The following TAF6L variants were observed in gnomAD, a reference collection of about 807,000 sequenced individuals.
TAF6L encodes TATA-box binding protein associated factor 6 like.
A neutral mutation model predicts 57.3 loss-of-function variants in TAF6L; 34 were observed. The ratio of observed to expected loss-of-function variants is 0.59; its 90% CI spans 0.45 to 0.79. The LOEUF (loss-of-function observed/expected upper bound fraction) is 0.79, where lower values mean the gene tolerates loss of function less well. Ranked by LOEUF, TAF6L falls within the 30% of genes least tolerant of loss-of-function variation. The pLI is 0.00. For missense variants in TAF6L, 782 were observed against 853.2 expected (o/e 0.92, Z 1.04); for synonymous variants, 417 against 376.3 (o/e 1.11, Z -1.25).
intron 3 of TAF6L, 76 bp downstream of exon 3, chr11:62,776,546 G>T: frequency 6.8e-7 from 1 of 1,474,908 alleles, no homozygotes; most frequent in Non-Finnish European, 9.4e-7. Flanking sequence ...CTGGCGATGT[G>T]GTGAGACATT....
Position 62,786,273 on chromosome 11 carries a change from T to G in TAF6L, c.974T>G (p.Val325Gly). 1 of 1,613,586 alleles carries G rather than the reference T, an allele frequency of 6.2e-7. No homozygotes were observed. Reference sequence around the variant, plus strand: ...TCTTCCTTCCAGGCAGTAGAACGAGTCCTGTACCCACACCTGTCCACCTAC... The same window carrying G: ...TCTTCCTTCCAGGCAGTAGAACGAGGCCTGTACCCACACCTGTCCACCTAC... ...HALGWKAVER[V>G]LYPHLSTYWT... Residue 325 changes from valine to glycine, a missense_variant, in exon 10 of 11, where the codon GTC (valine) becomes GGC (glycine). Val to Gly is a moderately radical substitution (Grantham distance 109, BLOSUM62 -3). Coordinates refer to ENST00000294168, the MANE Select transcript of TAF6L (RefSeq NM_006473.4).
Position 62,781,893 on chromosome 11 carries a change from G to A in TAF6L, c.532-1G>A. The A allele has an allele frequency of 1.2e-6, 2 of 1,614,082 alleles. No homozygotes were observed. Among genetic ancestry groups the A allele is most frequent in the Non-Finnish European group, 1.7e-6 (2 of 1,179,988 alleles). ...AATGCAGTCTGGGCCCTTCCTTTTA[G>A]GTTGCACTCCAGGACTTGCAGACGA... On this transcript the variant is annotated splice_acceptor_variant, in intron 6 of 10. Transcript: ENST00000294168. LOFTEE classifies it high-confidence loss of function.
intron 1 of TAF6L, among the ~76,000 whole-genome samples, chr11:62,773,681 C>CCG (rs2084165913): frequency 1.3e-5 from 2 of 151,938 alleles, no homozygotes; most frequent in African/African-American, 4.8e-5. Flanking sequence ...CTCCTGACCT[C>CCG]AGGTGATTCG....
rs375032105 is a variant in TAF6L, at chr11:62,776,377, C to T, written c.148-7C>T. 1 of 1,613,294 alleles carries T rather than the reference C, an allele frequency of 6.2e-7. No homozygotes were observed. The highest frequency in any genetic ancestry group is 8.5e-7 in the Non-Finnish European group (1 of 1,179,424). Reference sequence around the variant, plus strand: ...TTTGACTCTGGCTTTTGTTCCCTCCCTCCCAGAATAGCTCTCAGTTCATGA... The same window carrying T: ...TTTGACTCTGGCTTTTGTTCCCTCCTTCCCAGAATAGCTCTCAGTTCATGA... On this transcript the variant is annotated splice_polypyrimidine_tract_variant and splice_region_variant and intron_variant, in intron 2 of 10. Coordinates refer to ENST00000294168, the MANE Select transcript of TAF6L (RefSeq NM_006473.4).
chr11:62,786,455 G>C (rs143657600), intron 10 of TAF6L, 62 bp from the exon 11 acceptor site: 1 of 1,595,402 alleles, frequency 6.3e-7, no homozygotes, highest in East Asian at 2.3e-5. Context: ...GCTTACTTTG[G>C]AATATTTGAT....
At chr11:62,783,684 G>A (rs1003410153) in intron 9 of TAF6L, among the ~76,000 whole-genome samples, 5 of 151,460 alleles carry the variant, frequency 3.3e-5, no homozygotes, top group African/African-American at 7.3e-5. Flanking sequence ...ACAGGCACGT[G>A]CCACCATGCC....
chr11:62,782,472 G>A (rs1264043038), intron 8 of TAF6L, 139 bp downstream of exon 8: 1 of 1,056,550 alleles, frequency 9.5e-7, no homozygotes, highest in Non-Finnish European at 1.4e-6. Flanking sequence ...CCTAGCTGGT[G>A]TGCTGTGACA....
At chr11:62,779,952 C>CCATATATATATATATA (rs1332185092) in intron 6 of TAF6L, among the ~76,000 whole-genome samples, 1 of 100,064 alleles carries the variant, frequency 1.0e-5, no homozygotes, top group African/African-American at 4.5e-5. Flanking sequence ...AGGCGTGAGC[C>CCATATATATATATATA]TATATATATA....
rs1554997115 is a variant in TAF6L at position 62,781,678 on chromosome 11, A to AAAAAT, written c.532-216_532-215insAAAAT. ...ACTCGGTCTCAAAAAAAAAAAAAAAAGTTGGACATTCAGGTTGTATTCAGG... is the reference window on the plus strand; with the variant it reads ...ACTCGGTCTCAAAAAAAAAAAAAAAAAAAATGTTGGACATTCAGGTTGTATTCAGG... On this transcript the variant is annotated intron_variant, in intron 6 of 10. Coordinates refer to ENST00000294168, the MANE Select transcript of TAF6L (RefSeq NM_006473.4). 2.7e-3 allele frequency: 1,245 copies of AAAAAT among 463,874 alleles called. 4 individuals carry two copies. Among genetic ancestry groups the AAAAAT allele is most frequent in the East Asian group, 5.9e-3 (128 of 21,808 alleles). The allele number at this position is 463,874 out of a possible 1,614,324, so 28.7% of individuals were successfully genotyped here.
chr11:62,786,056 G>A lies in TAF6L; in HGVS notation c.961-204G>A, dbSNP rs1385677787. ...GGTATATTTTTTATTGTCTCCCTTT[G>A]TACCTTATCTTTATTCCCAATGCCT... On this transcript the variant is annotated intron_variant, in intron 9 of 10. Coordinates refer to ENST00000294168, the MANE Select transcript of TAF6L (RefSeq NM_006473.4). The A allele has an allele frequency of 6.6e-6, 4 of 602,326 alleles. No homozygotes were observed. The African/African-American group carries it at 7.3e-5, about 11-fold the overall frequency. 37.3% of individuals were successfully genotyped at this position (602,326 alleles called of 1,614,324 possible).
At chr11:62,773,076 C>G (rs1405893008) in intron 1 of TAF6L, among the ~76,000 whole-genome samples, 1 of 151,560 alleles carries the variant, frequency 6.6e-6, no homozygotes, top group African/African-American at 2.4e-5. Flanking sequence ...CTCCTGACCT[C>G]GTGATCCACC....
chr11:62,775,075 AAAAAAG>A (rs2084176221), intron 1 of TAF6L, among the ~76,000 whole-genome samples: 1 of 151,750 alleles, frequency 6.6e-6, no homozygotes, highest in Non-Finnish European at 1.5e-5. Context: ...AAAAAAAAAA[AAAAAAG>A]AAAAGACTGG....
intron 5 of TAF6L, 64 bp from the exon 6 acceptor site, chr11:62,778,805 G>T: frequency 7.2e-7 from 1 of 1,384,924 alleles, no homozygotes; most frequent in Non-Finnish European, 1.0e-6. Context: ...GGGGGAGGAG[G>T]CTGGAGAGGC....
In TAF6L at chr11:62,786,771, C is replaced by A. The variant is rs1212671113; in HGVS notation, c.1344C>A (p.Phe448Leu). The A allele has an allele frequency of 6.2e-7, 1 of 1,612,526 alleles. No individual in the cohort carries two copies. The highest frequency in any genetic ancestry group is 1.1e-5 in the South Asian group (1 of 91,066). The change falls in exon 11 of 11, where the codon TTC (phenylalanine) becomes TTA (leucine). Residue 448 changes from phenylalanine to leucine, a missense_variant. Coordinates refer to ENST00000294168, the MANE Select transcript of TAF6L (RefSeq NM_006473.4). The part of the protein sequence containing the change: ...ADIYRELYAF[F>L]GDSLATRFGT... ...TCTACCGGGAGCTCTACGCCTTCTT[C>A]GGTGACAGCTTGGCCACACGCTTTG...
At chr11:62,775,199 C>T (rs2084177729) in intron 1 of TAF6L, among the ~76,000 whole-genome samples, 1 of 152,064 alleles carries the variant, frequency 6.6e-6, no homozygotes, top group Non-Finnish European at 1.5e-5. Context: ...CATGTGGCTG[C>T]AGCTAGGAGA....
intron 5 of TAF6L, chr11:62,778,596 C>CA (rs1301353053): frequency 1.6e-5 from 10 of 616,608 alleles, no homozygotes; most frequent in Non-Finnish European, 2.9e-5. Flanking sequence ...GTTTCACCCC[C>CA]AGGGTATGCT....
At chr11:62,779,017 C>CT in intron 6 of TAF6L, 54 bp downstream of exon 6, 211 of 1,263,162 alleles carry the variant, frequency 1.7e-4, no homozygotes, top group Non-Finnish European at 2.1e-4. Flanking sequence ...AATTCTAGAC[C>CT]TGTTTTTTTT....
chr11:62,782,593 C>T (rs538114680), intron 8 of TAF6L, 100 bp from the exon 9 acceptor site: 49 of 1,523,478 alleles, frequency 3.2e-5, no homozygotes, highest in Admixed American at 9.4e-5. Flanking sequence ...CCAGCACTCC[C>T]GAGTGTGCTG....
In TAF6L at chr11:62,786,817, A is replaced by G. The variant is rs754871167; in HGVS notation, c.1390A>G (p.Thr464Ala). 1 of 1,606,610 alleles carries G rather than the reference A, an allele frequency of 6.2e-7. No homozygotes were observed. The highest frequency in any genetic ancestry group is 8.5e-7 in the Non-Finnish European group (1 of 1,179,124). The change falls in exon 11 of 11, where the codon ACG (threonine) becomes GCG (alanine). Residue 464 changes from threonine (T) to alanine (A), a missense_variant. Around this residue, in one of 3 missense-constraint regions of TAF6L, gnomAD observed 483 missense variants for 445.1 expected, o/e 1.09. Coordinates refer to ENST00000294168, the MANE Select transcript of TAF6L (RefSeq NM_006473.4). ...CTTTGGCACCGGCCAGCCTGCACCC[A>G]CGGCTCCGCGGCCGCCCGGGGACAA... ...TRFGTGQPAP[T>A]APRPPGDKKE...
Sources: allele counts gnomAD v4.1 joint callset (sites outside exome capture counted in the v4.1 genomes callset), GRCh38; gene constraint gnomAD v4.1.1; regional missense constraint gnomAD v4.1.1; transcripts MANE v1.5; gene names NCBI Gene and HGNC (gene_info 2026-07-23, HGNC 2026-07-21).